Variants in SCFD2 observed in about 807,000 individuals in gnomAD.
The protein encoded by SCFD2 is sec1 family domain-containing protein 2.
A neutral mutation model predicts 58.9 loss-of-function variants in SCFD2; 54 were observed. The ratio of observed to expected loss-of-function variants is 0.92; its 90% confidence interval spans 0.74 to 1.15. SCFD2 has a LOEUF of 1.15. SCFD2 is among the 50% of genes most tolerant of loss of function. SCFD2 has a pLI of 0.00. For missense variants in SCFD2, 805 were observed against 836.6 expected (o/e 0.96, Z 0.47); for synonymous variants, 321 against 335.9 (o/e 0.96, Z 0.49).
chr4:52,881,209 T>C (rs1718602228), intron 8 of SCFD2, among the ~76,000 whole-genome samples: 1 of 152,260 alleles, frequency 6.6e-6, no homozygotes, highest in Admixed American at 6.5e-5. Flanking sequence ...TGTTTCATGC[T>C]ATTCTTGCCA....
chr4:53,319,981 C>CT (rs1359824538), intron 2 of SCFD2, among the ~76,000 whole-genome samples: 1 of 152,186 alleles, frequency 6.6e-6, no homozygotes, highest in Non-Finnish European at 1.5e-5. Flanking sequence ...CTTGGTTAGT[C>CT]TTTTTGGTGC....
chr4:53,079,235 T>C (rs1263789343), intron 5 of SCFD2, among the ~76,000 whole-genome samples: 3 of 152,146 alleles, frequency 2.0e-5, no homozygotes, highest in Non-Finnish European at 4.4e-5. Flanking sequence ...GGAGCACTGA[T>C]GTCTGGGGGG....
At chr4:53,238,064 A>C (rs1353855170) in intron 4 of SCFD2, among the ~76,000 whole-genome samples, 1 of 117,882 alleles carries the variant, frequency 8.5e-6, no homozygotes, top group Non-Finnish European at 1.8e-5. Context: ...TGACCCCCCC[A>C]CCTCCCTCCC....
chr4:53,210,155 G>A (rs1015010173), intron 4 of SCFD2, among the ~76,000 whole-genome samples: 1 of 152,048 alleles, frequency 6.6e-6, no homozygotes, highest in Non-Finnish European at 1.5e-5. Context: ...TATCTGTACT[G>A]GATAGACTCT....
chr4:53,080,583 G>A (rs935324925), intron 5 of SCFD2, among the ~76,000 whole-genome samples: 1 of 152,090 alleles, frequency 6.6e-6, no homozygotes. Context: ...TGATAAGCAG[G>A]GAGCACACCT....
intron 4 of SCFD2, among the ~76,000 whole-genome samples, chr4:53,181,702 G>A (rs1425029900): frequency 6.6e-6 from 1 of 152,316 alleles, no homozygotes; most frequent in East Asian, 1.9e-4. Flanking sequence ...ATTAGGAAAA[G>A]AGGAAGTCAA....
rs985769617 is a variant in SCFD2, at chr4:53,331,509, C to T, written c.1008-17746G>A. Among the ~76,000 whole-genome samples, 57 of 152,164 alleles carry T rather than the reference C, an allele frequency of 3.7e-4. 1 individual carries two copies. The highest frequency in any genetic ancestry group is 1.7e-3 in the Admixed American group (26 of 15,300). On this transcript the variant is annotated intron_variant, in intron 2 of 8. Transcript: ENST00000401642. ...TCCTGAATGACTACTGGATACATAA[C>T]GAAATGAAGGCAGCAATAAAGATGT...
At chr4:53,256,093 T>A (rs1412347147) in intron 4 of SCFD2, among the ~76,000 whole-genome samples, 8 of 144,056 alleles carry the variant, frequency 5.6e-5, no homozygotes, top group Non-Finnish European at 1.1e-4. Flanking sequence ...CCGGACGGGG[T>A]GGCTGCCGGG....
At chr4:53,329,968 T>C (rs1733374380) in intron 2 of SCFD2, among the ~76,000 whole-genome samples, 1 of 151,738 alleles carries the variant, frequency 6.6e-6, no homozygotes, top group Non-Finnish European at 1.5e-5. Context: ...CAGGAGCTGA[T>C]GCGATCAACT....
intron 2 of SCFD2, among the ~76,000 whole-genome samples, chr4:53,344,522 G>T (rs1733993380): frequency 6.6e-6 from 1 of 151,782 alleles, no homozygotes. Context: ...TGGCCATACT[G>T]CCCAAGGTAA....
At chr4:53,147,014 C>A (rs550013745) in intron 4 of SCFD2, among the ~76,000 whole-genome samples, 1 of 151,996 alleles carries the variant, frequency 6.6e-6, no homozygotes, top group Admixed American at 6.6e-5. Context: ...GTGCTATAAA[C>A]AAAAATAAAG....
intron 4 of SCFD2, among the ~76,000 whole-genome samples, chr4:53,249,642 G>A (rs941262195): frequency 6.6e-6 from 1 of 152,180 alleles, no homozygotes; most frequent in Non-Finnish European, 1.5e-5. Context: ...GAGAGTGGGG[G>A]CCAATAATCA....
At chr4:53,233,832 T>A (rs1426975950) in intron 4 of SCFD2, among the ~76,000 whole-genome samples, 4 of 152,222 alleles carry the variant, frequency 2.6e-5, no homozygotes, top group Non-Finnish European at 4.4e-5. Context: ...TATATCCTTA[T>A]GGAGAAATGT....
At chr4:53,181,866 A>G (rs1291810759) in intron 4 of SCFD2, among the ~76,000 whole-genome samples, 1 of 152,116 alleles carries the variant, frequency 6.6e-6, no homozygotes, top group African/African-American at 2.4e-5. Flanking sequence ...CCAATAACAG[A>G]CAGAGAGCCA....
chr4:53,079,509 C>T (rs925537430), intron 5 of SCFD2, among the ~76,000 whole-genome samples: 1 of 152,186 alleles, frequency 6.6e-6, no homozygotes, highest in African/African-American at 2.4e-5. Context: ...CAACGAAGAA[C>T]ATAGCATTCT....
chr4:53,328,764 G>C (rs1317465735), intron 2 of SCFD2, among the ~76,000 whole-genome samples: 2 of 152,242 alleles, frequency 1.3e-5, no homozygotes, highest in Non-Finnish European at 2.9e-5. Flanking sequence ...AATAGGAACA[G>C]CTCCGGTCTA....
intron 5 of SCFD2, among the ~76,000 whole-genome samples, chr4:53,044,027 G>A (rs1159763267): frequency 6.6e-6 from 1 of 152,068 alleles, no homozygotes; most frequent in African/African-American, 2.4e-5. Context: ...TGCAAGGAGT[G>A]CAATTAGTAG....
chr4:52,965,141 T>C (rs1248351999), intron 5 of SCFD2, among the ~76,000 whole-genome samples: 1 of 152,086 alleles, frequency 6.6e-6, no homozygotes, highest in African/African-American at 2.4e-5. Context: ...GGCTGGAAAA[T>C]GTCAGATTTC....
intron 5 of SCFD2, among the ~76,000 whole-genome samples, chr4:53,109,553 C>T (rs1412578726): frequency 6.6e-6 from 1 of 152,168 alleles, no homozygotes; most frequent in East Asian, 1.9e-4. Context: ...GCAAAAATCA[C>T]AAGCATTCCT....
Sources: gnomAD v4.1 joint callset for allele counts (sites outside exome capture counted in the v4.1 genomes callset) on GRCh38, gnomAD v4.1.1 for gene constraint, MANE v1.5 for transcripts, NCBI Gene and HGNC (gene_info 2026-07-23, HGNC 2026-07-21) for gene names.